IFNG-AS1: variants seen among roughly 807,000 people sequenced by gnomAD.
IFNG-AS1 encodes IFNG antisense RNA 1 (non-protein coding).
At chr12:68,015,210 G>A (rs1194441859) in intron 3 of IFNG-AS1, among the ~76,000 whole-genome samples, 1 of 152,158 alleles carries the variant, frequency 6.6e-6, no homozygotes, top group Non-Finnish European at 1.5e-5. Flanking sequence ...TGACAATGCA[G>A]GCAGGGGCTT....
chr12:67,990,080 G>A (rs1458022428), intron 1 of IFNG-AS1, among the ~76,000 whole-genome samples: 1 of 152,138 alleles, frequency 6.6e-6, no homozygotes, highest in Non-Finnish European at 1.5e-5. Flanking sequence ...ATAGGTCTTG[G>A]ATAATTTAGG....
intron 1 of IFNG-AS1, among the ~76,000 whole-genome samples, chr12:67,991,340 G>A (rs966261424): frequency 9.9e-5 from 15 of 152,184 alleles, no homozygotes. Flanking sequence ...GCATAGGGTT[G>A]GAGCATCTGG....
At chr12:68,016,484 G>A (rs965308645) in intron 3 of IFNG-AS1, among the ~76,000 whole-genome samples, 26 of 152,110 alleles carry the variant, frequency 1.7e-4, no homozygotes, top group African/African-American at 5.1e-4. Context: ...CGCTATGTTC[G>A]AGGTGTGTGA....
At chr12:67,999,079 A>G (rs1456926566) in intron 2 of IFNG-AS1, among the ~76,000 whole-genome samples, 1 of 152,168 alleles carries the variant, frequency 6.6e-6, no homozygotes, top group Non-Finnish European at 1.5e-5. Context: ...ATGTATTGGT[A>G]TGAACTGATG....
chr12:67,996,800 T>C (rs1323032156), intron 2 of IFNG-AS1, among the ~76,000 whole-genome samples: 2 of 152,220 alleles, frequency 1.3e-5, no homozygotes, highest in African/African-American at 4.8e-5. Context: ...TTGTCAATAT[T>C]TCTGCTCTTA....
chr12:68,019,620 A>G (rs1489869407), intron 3 of IFNG-AS1, among the ~76,000 whole-genome samples: 1 of 152,190 alleles, frequency 6.6e-6, no homozygotes, highest in Non-Finnish European at 1.5e-5. Context: ...GGGCACCCAC[A>G]CTAGAGTAGG....
intron 2 of IFNG-AS1, among the ~76,000 whole-genome samples, chr12:68,000,773 A>G (rs1879749443): frequency 6.6e-6 from 1 of 151,956 alleles, no homozygotes; most frequent in Non-Finnish European, 1.5e-5. Context: ...GCTCTGACCC[A>G]TTGTTTTATT....
intron 2 of IFNG-AS1, among the ~76,000 whole-genome samples, chr12:67,998,346 A>G (rs553830875): frequency 2.0e-5 from 3 of 152,132 alleles, no homozygotes; most frequent in African/African-American, 7.2e-5. Context: ...TTTTCAGAAC[A>G]CAATCCAAAT....
rs535868350 is a variant in IFNG-AS1 at position 68,018,657 on chromosome 12, T to C, written n.242-1205T>C. On this transcript the variant is annotated intron_variant and non_coding_transcript_variant, in intron 3 of 5. Transcript: ENST00000536914. ...AATACTCCTACAACTTTACAAAACCTTCCTTCACCCCTCAATGCAGGAAGG... is the reference window on the plus strand; with the variant it reads ...AATACTCCTACAACTTTACAAAACCCTCCTTCACCCCTCAATGCAGGAAGG... 5.3e-4 allele frequency among the ~76,000 whole-genome samples: 80 copies of C among 152,210 alleles called. 1 individual carries two copies. The South Asian group carries it at 0.016, about 30-fold the overall frequency.
intron 3 of IFNG-AS1, among the ~76,000 whole-genome samples, chr12:68,014,626 A>C (rs960803575): frequency 2.0e-5 from 3 of 152,052 alleles, no homozygotes; most frequent in African/African-American, 4.8e-5. Flanking sequence ...TTTGAACTTC[A>C]TTTACAACAT....
chr12:68,014,259 G>A (rs1161765838), intron 3 of IFNG-AS1, among the ~76,000 whole-genome samples: 1 of 152,220 alleles, frequency 6.6e-6, no homozygotes, highest in Non-Finnish European at 1.5e-5. Flanking sequence ...GTGTGTGCAA[G>A]TATGTTTTTG....
chr12:68,010,542 C>T lies in IFNG-AS1; in HGVS notation n.241+4396C>T, dbSNP rs79220403. Among the ~76,000 whole-genome samples the T allele has an allele frequency of 1.1e-3, 172 of 152,306 alleles. 1 individual carries two copies. The highest frequency in any genetic ancestry group is 3.9e-3 in the African/African-American group (164 of 41,570). On this transcript the variant is annotated intron_variant and non_coding_transcript_variant, in intron 3 of 5. Coordinates refer to ENST00000536914, the Ensembl canonical transcript of IFNG-AS1. Reference sequence around the variant, plus strand: ...GTGCTGTCCTCCCCGGTAAGCATCTCATAACATGCTGCCTTCCATCTGACT... The same window carrying T: ...GTGCTGTCCTCCCCGGTAAGCATCTTATAACATGCTGCCTTCCATCTGACT...
At chr12:68,008,713 A>C (rs1474987831) in intron 3 of IFNG-AS1, among the ~76,000 whole-genome samples, 6 of 152,162 alleles carry the variant, frequency 3.9e-5, no homozygotes. Context: ...AGTCATCCGC[A>C]TCCACCAAGT....
chr12:68,003,976 C>G (rs868103806), intron 2 of IFNG-AS1, among the ~76,000 whole-genome samples: 1 of 133,440 alleles, frequency 7.5e-6, no homozygotes, highest in African/African-American at 2.9e-5. Flanking sequence ...TATGTGGCAA[C>G]AGTTTGTAAG....
intron 2 of IFNG-AS1, among the ~76,000 whole-genome samples, chr12:67,997,622 A>G (rs1317713571): frequency 6.6e-6 from 1 of 151,728 alleles, no homozygotes; most frequent in Non-Finnish European, 1.5e-5. Context: ...CAAAATCCAG[A>G]GGCAATTAAA....
intron 1 of IFNG-AS1, among the ~76,000 whole-genome samples, chr12:67,992,739 G>T (rs1028078159): frequency 1.3e-5 from 2 of 151,998 alleles, no homozygotes; most frequent in African/African-American, 4.8e-5. Context: ...TGGTATTTTG[G>T]TTACCAAATT....
At chr12:68,015,956 A>C (rs967924481) in intron 3 of IFNG-AS1, among the ~76,000 whole-genome samples, 1 of 152,096 alleles carries the variant, frequency 6.6e-6, no homozygotes, top group Non-Finnish European at 1.5e-5. Context: ...GGGGGGGAAA[A>C]AAAACCTTTC....
chr12:67,997,279 G>A (rs893844040), intron 2 of IFNG-AS1, among the ~76,000 whole-genome samples: 5 of 151,984 alleles, frequency 3.3e-5, no homozygotes, highest in Non-Finnish European at 7.4e-5. Flanking sequence ...AAGAGTGTAG[G>A]ATGCAGGTGC....
chr12:67,997,636 A>G (rs1442806375), intron 2 of IFNG-AS1, among the ~76,000 whole-genome samples: 2 of 151,914 alleles, frequency 1.3e-5, no homozygotes, highest in Admixed American at 6.6e-5. Context: ...AATTAAAAAA[A>G]AAAGATTGAC....
Sources: allele counts gnomAD v4.1 joint callset (sites outside exome capture counted in the v4.1 genomes callset), GRCh38; gene constraint gnomAD v4.1.1; transcripts MANE v1.5; gene names NCBI Gene and HGNC (gene_info 2026-07-23, HGNC 2026-07-21).